The following RUNX1 variants were observed in gnomAD, a reference collection of about 807,000 sequenced individuals.
RUNX1 encodes the protein RUNX family transcription factor 1, also known as runt-related transcription factor 1.
A neutral mutation model predicts 42.8 loss-of-function variants in RUNX1; 19 were observed. That is an observed-to-expected ratio of 0.44 (90% confidence interval 0.31 to 0.65). The LOEUF (loss-of-function observed/expected upper bound fraction) is 0.65. Among genes scored for constraint, RUNX1 ranks in the 30% least tolerant of loss-of-function variants. The pLI is 0.07. For missense variants in RUNX1, 528 were observed against 672.0 expected (o/e 0.79, Z 2.37); for synonymous variants, 271 against 289.4 (o/e 0.94, Z 0.64).
intron 5 of RUNX1, among the ~76,000 whole-genome samples, chr21:34,866,949 A>G (rs1445229552): frequency 6.6e-6 from 1 of 152,216 alleles, no homozygotes; most frequent in Non-Finnish European, 1.5e-5. Flanking sequence ...GTTTGGAATT[A>G]TGGATTGTTT....
intron 2 of RUNX1, among the ~76,000 whole-genome samples, chr21:35,002,600 G>C (rs1218811560): frequency 1.3e-5 from 2 of 151,734 alleles, no homozygotes; most frequent in Non-Finnish European, 2.9e-5. Context: ...GCTAATTTTT[G>C]TATTTTTAGT....
chr21:34,977,883 G>A (rs1459779235), intron 2 of RUNX1, among the ~76,000 whole-genome samples: 1 of 152,096 alleles, frequency 6.6e-6, no homozygotes, highest in African/African-American at 2.4e-5. Flanking sequence ...ATGGATTCAT[G>A]AGGCAATGTG....
chr21:34,994,259 A>G (rs1404364731), intron 2 of RUNX1, among the ~76,000 whole-genome samples: 1 of 152,104 alleles, frequency 6.6e-6, no homozygotes, highest in Non-Finnish European at 1.5e-5. Flanking sequence ...CTTCCAAGAC[A>G]TTTTCTAAAC....
intron 3 of RUNX1, among the ~76,000 whole-genome samples, chr21:34,891,789 G>A (rs2058083334): frequency 6.6e-6 from 1 of 152,144 alleles, no homozygotes; most frequent in Admixed American, 6.5e-5. Context: ...GCGGGGAGAG[G>A]GAGGGAGGAG....
chr21:35,033,514 C>T (rs979625189), intron 2 of RUNX1, among the ~76,000 whole-genome samples: 1 of 152,192 alleles, frequency 6.6e-6, no homozygotes, highest in African/African-American at 2.4e-5. Flanking sequence ...TCTAACACCT[C>T]ATGCAGACAC....
At chr21:35,034,632 G>T (rs1168007035) in intron 2 of RUNX1, among the ~76,000 whole-genome samples, 2 of 152,230 alleles carry the variant, frequency 1.3e-5, no homozygotes, top group Non-Finnish European at 2.9e-5. Context: ...TGTCACTAGT[G>T]TCTAGTGGGT....
intron 8 of RUNX1, among the ~76,000 whole-genome samples, chr21:34,798,822 T>C (rs1429464242): frequency 6.6e-6 from 1 of 152,110 alleles, no homozygotes; most frequent in Non-Finnish European, 1.5e-5. Flanking sequence ...TGGGTTTTGG[T>C]ATCCATGGGG....
intron 2 of RUNX1, among the ~76,000 whole-genome samples, chr21:35,038,168 G>A (rs576364723): frequency 6.6e-4 from 100 of 152,248 alleles, no homozygotes; most frequent in African/African-American, 2.3e-3. Context: ...TTGGGGCTCC[G>A]TGAGGTTCGA....
At chr21:34,813,458 G>A (rs988744691) in intron 7 of RUNX1, among the ~76,000 whole-genome samples, 1 of 152,140 alleles carries the variant, frequency 6.6e-6, no homozygotes, top group Non-Finnish European at 1.5e-5. Context: ...GAGATGAGGT[G>A]TGTGGTGAGC....
intron 3 of RUNX1, chr21:34,888,389 C>A: frequency 9.4e-7 from 1 of 1,067,734 alleles, no homozygotes; most frequent in Non-Finnish European, 1.1e-6. Context: ...GACCACAGAG[C>A]ACTTTCTCCC....
chr21:34,851,511 C>T (rs1296695339), intron 6 of RUNX1, among the ~76,000 whole-genome samples: 4 of 152,194 alleles, frequency 2.6e-5, no homozygotes, highest in Non-Finnish European at 5.9e-5. Context: ...GTGTGAAAAC[C>T]CAGGTCCCTA....
chr21:34,876,179 T>C (rs2057810687), intron 5 of RUNX1, among the ~76,000 whole-genome samples: 1 of 152,202 alleles, frequency 6.6e-6, no homozygotes, highest in Admixed American at 6.5e-5. Context: ...GCGACTGTCC[T>C]TTCAATGACA....
intron 2 of RUNX1, among the ~76,000 whole-genome samples, chr21:35,042,345 C>A (rs1157220186): frequency 6.6e-6 from 1 of 152,216 alleles, no homozygotes. Flanking sequence ...CAAAGCCCAG[C>A]TGGCACAGAA....
chr21:34,970,637 T>G (rs2058757357), intron 2 of RUNX1, among the ~76,000 whole-genome samples: 1 of 152,204 alleles, frequency 6.6e-6, no homozygotes, highest in South Asian at 2.1e-4. Flanking sequence ...GTGTTCCACT[T>G]TGGTGCACTC....
At chr21:34,839,798 C>G (rs1394425003) in intron 6 of RUNX1, among the ~76,000 whole-genome samples, 1 of 152,164 alleles carries the variant, frequency 6.6e-6, no homozygotes, top group Non-Finnish European at 1.5e-5. Flanking sequence ...AGAGGGAGAG[C>G]TCCTCCTGAT....
intron 6 of RUNX1, among the ~76,000 whole-genome samples, chr21:34,854,714 C>T (rs1053923150): frequency 6.6e-6 from 1 of 152,134 alleles, no homozygotes; most frequent in Non-Finnish European, 1.5e-5. Context: ...TTAAACAGAC[C>T]ACATCACAAG....
At chr21:35,031,303 G>T (rs561775851) in intron 2 of RUNX1, among the ~76,000 whole-genome samples, 1 of 152,166 alleles carries the variant, frequency 6.6e-6, no homozygotes, top group Admixed American at 6.5e-5. Context: ...AGCCGAGATC[G>T]TGCCACTGCA....
chr21:34,834,327 G>A (rs1277390459), intron 7 of RUNX1, 83 bp downstream of exon 7: 6 of 1,400,800 alleles, frequency 4.3e-6, no homozygotes, highest in Non-Finnish European at 6.1e-6. Context: ...GTTGGTCTGG[G>A]AAGGTGTGTG....
intron 2 of RUNX1, among the ~76,000 whole-genome samples, chr21:34,984,236 A>G (rs568654991): frequency 4.0e-4 from 61 of 152,320 alleles, no homozygotes; most frequent in African/African-American, 1.4e-3. Context: ...ATGTGGAAAA[A>G]GCAGTGATAA....
Sources: allele counts gnomAD v4.1 joint callset (sites outside exome capture counted in the v4.1 genomes callset), GRCh38; gene constraint gnomAD v4.1.1; transcripts MANE v1.5; gene names NCBI Gene and HGNC (gene_info 2026-07-23, HGNC 2026-07-21).